Variants in RAPGEF2 observed in about 807,000 individuals in gnomAD.
The protein encoded by RAPGEF2 is PDZ domain containing guanine nucleotide exchange factor (GEF) 1.
In RAPGEF2, 54 loss-of-function variants were observed where a neutral mutation model predicts 186.7. The ratio of observed to expected loss-of-function variants is 0.29; its 90% CI spans 0.23 to 0.36. RAPGEF2 has a LOEUF of 0.36. Among genes scored for constraint, RAPGEF2 ranks in the 10% least tolerant of loss-of-function variants. RAPGEF2 has a pLI of 1.00. For missense variants in RAPGEF2, 1,532 were observed against 2,045.0 expected (o/e 0.75, Z 4.84); for synonymous variants, 712 against 705.9 (o/e 1.01, Z -0.14).
Position 159,330,409 on chromosome 4 carries a change from C to A in RAPGEF2, c.1378C>A (p.Leu460Met). 1 of 1,606,072 alleles carries A rather than the reference C, an allele frequency of 6.2e-7. No individual in the cohort carries two copies. The highest frequency in any genetic ancestry group is 8.5e-7 in the Non-Finnish European group (1 of 1,177,710). ...AGATCCAACATTCATAGAAGACTTT[C>A]TGTTGACCTATAGGACTTTTCTTTC... ...VVDPTFIEDF[L>M]LTYRTFLSSP... is the part of the protein sequence containing the mutation. The change falls in exon 13 of 30, where the codon CTG becomes ATG. Residue 460 changes from leucine (L) to methionine (M), a missense_variant. Physicochemically the swap from Leu to Met is conservative, Grantham distance 15 (BLOSUM62 2). Coordinates refer to ENST00000691494, the MANE Select transcript of RAPGEF2 (RefSeq NM_001394067.2).
At chr4:159,274,082 C>T (rs113787458) in intron 7 of RAPGEF2, among the ~76,000 whole-genome samples, 73 of 152,286 alleles carry the variant, frequency 4.8e-4, no homozygotes, top group East Asian at 2.1e-3. Context: ...TGAGCCACCA[C>T]GCCCGGCCCT....
intron 7 of RAPGEF2, among the ~76,000 whole-genome samples, chr4:159,295,776 TGCAC>T (rs1761941784): frequency 2.1e-5 from 3 of 142,616 alleles, no homozygotes; most frequent in Non-Finnish European, 4.6e-5. Context: ...CGCGCGCGCA[TGCAC>T]ATAATGTTTT....
chr4:159,253,396 G>C (rs1008205837), intron 7 of RAPGEF2, among the ~76,000 whole-genome samples: 1 of 152,042 alleles, frequency 6.6e-6, no homozygotes, highest in African/African-American at 2.4e-5. Flanking sequence ...GAATTTTGGC[G>C]CATTATACAA....
intron 7 of RAPGEF2, among the ~76,000 whole-genome samples, chr4:159,249,771 T>C (rs1415367209): frequency 6.6e-6 from 1 of 152,152 alleles, no homozygotes; most frequent in Non-Finnish European, 1.5e-5. Context: ...TGAGATATAA[T>C]TCACATGCCA....
chr4:159,337,654 C>T (rs1213320111), intron 17 of RAPGEF2, among the ~76,000 whole-genome samples: 2 of 151,700 alleles, frequency 1.3e-5, no homozygotes, highest in African/African-American at 4.8e-5. Flanking sequence ...CTTTGGGAGG[C>T]CAAGACAGGC....
In RAPGEF2 at chr4:159,269,225, G is replaced by A. The variant is rs570143248; in HGVS notation, c.543+25434G>A. 1.1e-4 allele frequency among the ~76,000 whole-genome samples: 16 copies of A among 152,170 alleles called. 1 individual carries two copies. The South Asian group carries it at 3.3e-3, about 32-fold the overall frequency. ...ACAATTTGGTTTTGTTCATTGTTAG[G>A]AACAAAATTACTAACTAAATCCAAG... On this transcript the variant is annotated intron_variant, in intron 7 of 29. Coordinates refer to ENST00000691494, the MANE Select transcript of RAPGEF2 (RefSeq NM_001394067.2).
At chr4:159,255,356 G>GTT (rs59760897) in intron 7 of RAPGEF2, among the ~76,000 whole-genome samples, 182 of 145,458 alleles carry the variant, frequency 1.3e-3, no homozygotes, top group East Asian at 8.8e-3. Flanking sequence ...TGAATATATA[G>GTT]TTTTTTTTTT....
intron 2 of RAPGEF2, among the ~76,000 whole-genome samples, chr4:159,188,941 T>G (rs1008703649): frequency 1.3e-5 from 2 of 152,202 alleles, no homozygotes; most frequent in African/African-American, 2.4e-5. Context: ...ATGGAAAACA[T>G]CACCTTAAAC....
Position 159,350,266 on chromosome 4 carries a change from C to T in RAPGEF2, c.3842C>T (p.Ser1281Phe), listed in dbSNP as rs1730987159. 6.3e-7 allele frequency: 1 copy of T among 1,591,594 alleles called. No individual in the cohort carries two copies. Among genetic ancestry groups the T allele is most frequent in the South Asian group, 1.2e-5 (1 of 85,026 alleles). ...TCGCAGCTTTCTTCTCCTCCTACTT[C>T]TCCACAGAGTTCTCCAAGGAAAGGT... Reference protein sequence around the residue: ...ASSQLSSPPTSPQSSPRKGYT... With the variant: ...ASSQLSSPPTFPQSSPRKGYT... The change falls in exon 26 of 30, where the codon TCT becomes TTT. Residue 1281 changes from serine to phenylalanine, a missense_variant. Ser to Phe is a radical substitution (Grantham distance 155). Transcript: ENST00000691494.
At chr4:159,213,461 G>A (rs1020921798) in intron 4 of RAPGEF2, among the ~76,000 whole-genome samples, 4 of 152,112 alleles carry the variant, frequency 2.6e-5, no homozygotes, top group Admixed American at 6.6e-5. Context: ...TCGTTTTGAC[G>A]GGTAATTCAC....
At chr4:159,107,849 G>T (rs961569272) in intron 1 of RAPGEF2, among the ~76,000 whole-genome samples, 4 of 152,172 alleles carry the variant, frequency 2.6e-5, no homozygotes, top group Non-Finnish European at 4.4e-5. Context: ...GTCTGTTATA[G>T]TTAAATTTTC....
At chr4:159,222,264 C>T (rs1444638323) in intron 4 of RAPGEF2, among the ~76,000 whole-genome samples, 2 of 152,174 alleles carry the variant, frequency 1.3e-5, no homozygotes, top group African/African-American at 2.4e-5. Context: ...CATATAAATG[C>T]AGGCTTCTGT....
intron 1 of RAPGEF2, among the ~76,000 whole-genome samples, chr4:159,164,322 T>G (rs1043709050): frequency 6.6e-6 from 1 of 151,024 alleles, no homozygotes; most frequent in Non-Finnish European, 1.5e-5. Context: ...TTTTTTTTCC[T>G]TCTTCTTCTT....
chr4:159,234,357 T>C (rs1334065434), intron 4 of RAPGEF2, among the ~76,000 whole-genome samples: 1 of 142,084 alleles, frequency 7.0e-6, no homozygotes, highest in Non-Finnish European at 1.5e-5. Flanking sequence ...GGATACTGGC[T>C]TTCAGCTGGT....
chr4:159,301,312 G>T (rs1762643113), intron 7 of RAPGEF2, among the ~76,000 whole-genome samples: 1 of 152,132 alleles, frequency 6.6e-6, no homozygotes, highest in African/African-American at 2.4e-5. Flanking sequence ...GGAAGTTGCA[G>T]TGAGCTGAGA....
intron 26 of RAPGEF2, among the ~76,000 whole-genome samples, chr4:159,352,198 T>C (rs1175828982): frequency 6.6e-6 from 1 of 152,248 alleles, no homozygotes; most frequent in African/African-American, 2.4e-5. Flanking sequence ...TTATTTCTTA[T>C]TCTTTTTGTT....
intron 1 of RAPGEF2, among the ~76,000 whole-genome samples, chr4:159,175,318 ACT>A (rs1388699056): frequency 2.6e-5 from 4 of 151,796 alleles, no homozygotes; most frequent in Admixed American, 6.6e-5. Context: ...AAAACCATAC[ACT>A]CTGCTATGGA....
chr4:159,229,039 G>T (rs745658733), intron 4 of RAPGEF2, among the ~76,000 whole-genome samples: 81 of 152,110 alleles, frequency 5.3e-4, no homozygotes, highest in Non-Finnish European at 1.1e-3. Flanking sequence ...AATTGGTTTT[G>T]ATTTAGGAAC....
In RAPGEF2 at chr4:159,338,308, C is replaced by A; in HGVS notation, c.2136-3C>A. On this transcript the variant is annotated splice_polypyrimidine_tract_variant and splice_region_variant and intron_variant, in intron 17 of 29. Transcript: ENST00000691494. ...TAATTTTCTAATTTTCCTCTTTGTTCAGTGATATTGGGATTGGTCAGTCTC... is the reference window on the plus strand; with the variant it reads ...TAATTTTCTAATTTTCCTCTTTGTTAAGTGATATTGGGATTGGTCAGTCTC... 6.2e-7 allele frequency: 1 copy of A among 1,600,658 alleles called. No individual in the cohort carries two copies. Among genetic ancestry groups the A allele is most frequent in the South Asian group, 1.1e-5 (1 of 89,194 alleles).
Sources: gnomAD v4.1 joint callset for allele counts (sites outside exome capture counted in the v4.1 genomes callset) on GRCh38, gnomAD v4.1.1 for gene constraint, MANE v1.5 for transcripts, NCBI Gene and HGNC (gene_info 2026-07-23, HGNC 2026-07-21) for gene names.